The following ZNF407 variants were observed in gnomAD, a reference collection of about 807,000 sequenced individuals.
The protein encoded by ZNF407 is zinc finger protein 407.
Under a neutral mutation model 131.2 loss-of-function variants are expected in ZNF407, and 17 were observed. The ratio of observed to expected loss-of-function variants is 0.13; its 90% CI spans 0.09 to 0.19. The LOEUF (loss-of-function observed/expected upper bound fraction) is 0.19, where lower values mean the gene tolerates loss of function less well. Ranked by LOEUF, ZNF407 falls within the 10% of genes least tolerant of loss-of-function variation. The pLI is 1.00. For synonymous variants in ZNF407, 1,156 were observed against 1,062.0 expected (o/e 1.09, Z -1.72); for missense variants, 2,681 against 2,830.6 (o/e 0.95, Z 1.20).
At chr18:74,834,643 T>C (rs1412676045) in intron 4 of ZNF407, among the ~76,000 whole-genome samples, 1 of 152,104 alleles carries the variant, frequency 6.6e-6, no homozygotes, top group Non-Finnish European at 1.5e-5. Context: ...ATGAAGCCAG[T>C]CAGATATATT....
intron 3 of ZNF407, among the ~76,000 whole-genome samples, chr18:74,769,692 G>C (rs1002345996): frequency 6.6e-6 from 1 of 152,200 alleles, no homozygotes; most frequent in Non-Finnish European, 1.5e-5. Flanking sequence ...TAGACTAGAT[G>C]CAGGTTTTTG....
chr18:74,954,068 A>G (rs114248122), intron 8 of ZNF407, among the ~76,000 whole-genome samples: 1,683 of 152,358 alleles, frequency 0.011, 32 homozygotes, highest in African/African-American at 0.037. Flanking sequence ...TGGTACCTCA[A>G]TTGACTTAAT....
At chr18:74,984,799 T>C (rs1391032186) in intron 8 of ZNF407, among the ~76,000 whole-genome samples, 2 of 152,226 alleles carry the variant, frequency 1.3e-5, no homozygotes, top group Non-Finnish European at 2.9e-5. Context: ...TCAAAGATGG[T>C]GAAGAGCTGG....
At position 74,781,522 on chromosome 18, in the gene ZNF407, T is replaced by C; in HGVS notation, c.4877+20T>C. 2 of 1,485,350 alleles carry C rather than the reference T, an allele frequency of 1.3e-6. No individual in the cohort carries two copies. Among genetic ancestry groups the C allele is most frequent in the South Asian group, 2.7e-5 (2 of 72,890 alleles). 92.0% of individuals were successfully genotyped at this position (1,485,350 alleles called of 1,614,324 possible). A position where few individuals can be genotyped will look rare whatever the true frequency, so the allele number is the denominator to read the frequency against. On this transcript the variant is annotated intron_variant, in intron 4 of 8. Transcript: ENST00000299687. ...AGAAAGGTAATTTTCATTCTTTTTTTTTCATTTAAAAATACAATTTGATTT... is the reference window on the plus strand; with the variant it reads ...AGAAAGGTAATTTTCATTCTTTTTTCTTCATTTAAAAATACAATTTGATTT...
chr18:74,746,733 C>T (rs1187029673), intron 3 of ZNF407, among the ~76,000 whole-genome samples: 3 of 151,406 alleles, frequency 2.0e-5, no homozygotes, highest in Admixed American at 6.6e-5. Flanking sequence ...GATAACAATT[C>T]CTTCTTCTGG....
intron 8 of ZNF407, among the ~76,000 whole-genome samples, chr18:74,971,636 C>T (rs948652470): frequency 3.3e-5 from 5 of 152,172 alleles, no homozygotes; most frequent in African/African-American, 7.2e-5. Flanking sequence ...TTTTCCTTAT[C>T]GCTGTCAGCA....
chr18:74,925,068 T>G (rs549573723), intron 8 of ZNF407, among the ~76,000 whole-genome samples: 2 of 152,330 alleles, frequency 1.3e-5, no homozygotes, highest in Admixed American at 6.5e-5. Context: ...GGTGTTCTCT[T>G]TTCAGGGAAA....
At chr18:74,769,723 A>G (rs2144997270) in intron 3 of ZNF407, among the ~76,000 whole-genome samples, 1 of 152,362 alleles carries the variant, frequency 6.6e-6, no homozygotes, top group East Asian at 1.9e-4. Flanking sequence ...GCAAGCGCCT[A>G]GACTAGATGC....
intron 8 of ZNF407, among the ~76,000 whole-genome samples, chr18:74,990,224 A>C (rs1972702923): frequency 6.6e-6 from 1 of 152,188 alleles, no homozygotes; most frequent in Admixed American, 6.5e-5. Context: ...CTCTGTGCAG[A>C]TGTCAATTAG....
intron 4 of ZNF407, among the ~76,000 whole-genome samples, chr18:74,834,273 G>A (rs1379119035): frequency 6.6e-6 from 1 of 152,174 alleles, no homozygotes; most frequent in Non-Finnish European, 1.5e-5. Context: ...TTTTTGTTCA[G>A]TTTAGGGGAA....
intron 8 of ZNF407, among the ~76,000 whole-genome samples, chr18:74,944,693 C>A (rs1486068582): frequency 6.6e-6 from 1 of 152,170 alleles, no homozygotes; most frequent in Non-Finnish European, 1.5e-5. Context: ...TGCTGTTGAT[C>A]CGAATAGATG....
chr18:74,705,097 G>A (rs114390246), intron 3 of ZNF407, among the ~76,000 whole-genome samples: 1 of 152,104 alleles, frequency 6.6e-6, no homozygotes, highest in Non-Finnish European at 1.5e-5. Context: ...TCCACAGGAG[G>A]TTAATGGAGG....
intron 8 of ZNF407, among the ~76,000 whole-genome samples, chr18:74,941,256 T>C (rs1315110880): frequency 6.6e-6 from 1 of 152,248 alleles, no homozygotes; most frequent in Non-Finnish European, 1.5e-5. Flanking sequence ...ATCCAGATGC[T>C]GGATTTCTTG....
intron 4 of ZNF407, among the ~76,000 whole-genome samples, chr18:74,862,896 A>C (rs980258656): frequency 2.0e-5 from 3 of 150,622 alleles, no homozygotes; most frequent in African/African-American, 7.3e-5. Flanking sequence ...TGTTCCCCAG[A>C]GGAAAAGTTT....
intron 3 of ZNF407, among the ~76,000 whole-genome samples, chr18:74,688,669 CTG>C (rs1967151128): frequency 6.6e-6 from 1 of 152,048 alleles, no homozygotes; most frequent in Non-Finnish European, 1.5e-5. Flanking sequence ...ACATTAAGGT[CTG>C]TGATTTATTT....
intron 3 of ZNF407, among the ~76,000 whole-genome samples, chr18:74,666,401 C>T (rs1317723421): frequency 1.3e-5 from 2 of 152,126 alleles, no homozygotes; most frequent in African/African-American, 4.8e-5. Flanking sequence ...AAGAAAGCCA[C>T]GTGGGACTTG....
intron 8 of ZNF407, among the ~76,000 whole-genome samples, chr18:74,956,606 G>A (rs4337381): frequency 0.19 from 28,879 of 152,088 alleles, 3,068 homozygotes; most frequent in South Asian, 0.25. Context: ...TGAGATGAAG[G>A]TTTGTATCAG....
chr18:74,881,171 A>G, intron 6 of ZNF407, 52 bp downstream of exon 6: 3 of 1,466,630 alleles, frequency 2.0e-6, no homozygotes, highest in South Asian at 1.2e-5. Context: ...ACGGCAAGAC[A>G]CCCCAGCCTC....
At chr18:74,607,501 T>A (rs1334690185) in intron 1 of ZNF407, among the ~76,000 whole-genome samples, 7 of 150,260 alleles carry the variant, frequency 4.7e-5, no homozygotes, top group Non-Finnish European at 8.9e-5. Context: ...AGAAATGGAG[T>A]ATTTCTCACA....
Sources: allele counts gnomAD v4.1 joint callset (sites outside exome capture counted in the v4.1 genomes callset), GRCh38; gene constraint gnomAD v4.1.1; transcripts MANE v1.5; gene names NCBI Gene and HGNC (gene_info 2026-07-23, HGNC 2026-07-21).